ZMYM3: variants seen among roughly 807,000 people sequenced by gnomAD.
ZMYM3 encodes zinc finger MYM-type protein 3.
In ZMYM3, 6 loss-of-function variants were observed where a neutral mutation model predicts 94.2. The ratio of observed to expected loss-of-function variants is 0.06; its 90% CI spans 0.03 to 0.13. The LOEUF is 0.13. Ranked by LOEUF, ZMYM3 falls within the 10% of genes least tolerant of loss-of-function variation. The pLI, the probability that ZMYM3 is intolerant of heterozygous loss-of-function variation, is 1.00. For synonymous variants in ZMYM3, 420 were observed against 426.5 expected, an observed-to-expected ratio of 0.98 and a Z score of 0.19; for missense variants, 664 against 1,132.6, an observed-to-expected ratio of 0.59 and a Z score of 5.94.
intron 15 of ZMYM3, 126 bp from the exon 16 acceptor site, chrX:71,246,224 G>C: frequency 2.8e-6 from 3 of 1,079,665 alleles, no homozygotes; most frequent in Non-Finnish European, 2.5e-6. Context: ...ACACCTCTAT[G>C]ATTCTAGGAC....
At position 71,251,613 on chromosome X, in the gene ZMYM3, G is replaced by A; in HGVS notation, c.668-12C>T. Reference sequence around the variant, plus strand: ...AGTCAGGCCATCTCCTGCAAAGGAAGCAGAAGGCAGCCTAAATGTTGAGCC... The same window carrying A: ...AGTCAGGCCATCTCCTGCAAAGGAAACAGAAGGCAGCCTAAATGTTGAGCC... On this transcript the variant is annotated splice_polypyrimidine_tract_variant and intron_variant, in intron 2 of 24. Transcript: ENST00000314425. 1 of 1,182,035 alleles carries A rather than the reference G, an allele frequency of 8.5e-7. No homozygotes were observed. Among genetic ancestry groups the A allele is most frequent in the Non-Finnish European group, 1.1e-6 (1 of 880,540 alleles).
In ZMYM3 at chrX:71,247,865, C is replaced by T. The variant is rs753824505; in HGVS notation, c.2017G>A (p.Gly673Ser). 1 of 1,205,632 alleles carries T rather than the reference C, an allele frequency of 8.3e-7. No homozygotes were observed. The highest frequency in any genetic ancestry group is 3.0e-5 in the East Asian group (1 of 33,680). Residue 673 changes from glycine (G) to serine (S), a missense_variant, in exon 12 of 25, where the codon GGC becomes AGC. Physicochemically the swap from Gly to Ser is moderately conservative, Grantham distance 56. Transcript: ENST00000314425. ...TAAGTACAAGTGATACAGCACAAGCCCAGCTTCTTAGTGAAGTCCTGTTTG... is the reference window on the plus strand; with the variant it reads ...TAAGTACAAGTGATACAGCACAAGCTCAGCTTCTTAGTGAAGTCCTGTTTG... ...LYKQDFTKKL[G>S]LCCITCTYCS...
chrX:71,245,948 G>A (rs2030152623), intron 16 of ZMYM3, 38 bp downstream of exon 16: 1 of 1,196,180 alleles, frequency 8.4e-7, no homozygotes, highest in African/African-American at 1.8e-5. Context: ...AGAGTAAGGG[G>A]AAAGGAGGAC....
At chrX:71,241,150 C>G (rs1375905395) in intron 24 of ZMYM3, 42 bp from the exon 25 acceptor site, 2 of 1,193,774 alleles carry the variant, frequency 1.7e-6, no homozygotes, top group Non-Finnish European at 1.1e-6. Flanking sequence ...GGTGGCAGGA[C>G]AGAAGATCAG....
rs1377314486 is a variant in ZMYM3, at chrX:71,252,845, A to G, written c.411T>C (p.Pro137=). 5.8e-6 allele frequency: 7 copies of G among 1,209,357 alleles called. No individual in the cohort carries two copies. Among genetic ancestry groups the G allele is most frequent in the Non-Finnish European group, 6.7e-6 (6 of 894,648 alleles). ...DPGAGANSCS[P]EGLLEPLAPD... ...GAGCCAAAGGCTCTAGTAGCCCCTC[A>G]GGTGAACAGGAATTTGCCCCAGCCC... Residue 137 remains proline, a synonymous_variant, in exon 2 of 25, where the codon CCT becomes CCC. Coordinates refer to ENST00000314425, the MANE Select transcript of ZMYM3 (RefSeq NM_201599.3).
intron 20 of ZMYM3, 83 bp from the exon 21 acceptor site, chrX:71,244,063 T>G: frequency 9.0e-7 from 1 of 1,110,955 alleles, no homozygotes; most frequent in Admixed American, 2.5e-5. Context: ...CATTAACCCC[T>G]CCATCCCTTA....
chrX:71,244,174 T>C (rs900271204), intron 20 of ZMYM3, 128 bp downstream of exon 20: 71 of 1,000,778 alleles, frequency 7.1e-5, no homozygotes, highest in Non-Finnish European at 8.6e-5. Context: ...TCACAGGGCA[T>C]CCTTAAGGGA....
chrX:71,249,443 C>T lies in ZMYM3; in HGVS notation c.1470+18G>A, dbSNP rs896600685. On this transcript the variant is annotated intron_variant, in intron 7 of 24. Transcript: ENST00000314425. ...CCCCCTTCCACAGCCCTCTAATGCA[C>T]TACTCCCTCGGCCCCACCTTCTTGT... 8.5e-7 allele frequency: 1 copy of T among 1,175,696 alleles called. No homozygotes were observed. The highest frequency in any genetic ancestry group is 1.8e-5 in the African/African-American group (1 of 56,530).
At position 71,247,349 on chromosome X, in the gene ZMYM3, C is replaced by T. The variant is rs1461031306; in HGVS notation, c.2310G>A (p.Leu770=). The T allele has an allele frequency of 1.2e-5, 14 of 1,188,254 alleles. No homozygotes were observed. The highest frequency in any genetic ancestry group is 1.5e-5 in the Non-Finnish European group (13 of 883,417). ...TACCCCCTGCCTGGGACTCACTGTT[C>T]AGGAGGCTCTCGGGCCCACTCTGGG... The part of the protein sequence containing the change: ...LDTQSGPESL[L]NSQSPESKPQ... The change falls in exon 13 of 25, where the codon CTG becomes CTA. Residue 770 remains leucine, a synonymous_variant. Transcript: ENST00000314425.
At position 71,251,315 on chromosome X, in the gene ZMYM3, G is replaced by C. The variant is rs183451010; in HGVS notation, c.712-71C>G. 7.2e-4 allele frequency: 742 copies of C among 1,034,871 alleles called. No individual in the cohort carries two copies. The East Asian group carries it at 7.2e-3, about 10-fold the overall frequency. 85.3% of individuals were successfully genotyped at this position (1,034,871 alleles called of 1,213,427 possible). A position where few individuals can be genotyped will look rare whatever the true frequency, so the allele number is the denominator to read the frequency against. On this transcript the variant is annotated intron_variant, in intron 3 of 24. Coordinates refer to ENST00000314425, the MANE Select transcript of ZMYM3 (RefSeq NM_201599.3). Reference sequence around the variant, plus strand: ...CAGGCTAACACTAGTACAGGGTTTGGGGGGGGATAGAAGATGGGAGGGGGA... The same window carrying C: ...CAGGCTAACACTAGTACAGGGTTTGCGGGGGGATAGAAGATGGGAGGGGGA...
rs760070078 is a variant in ZMYM3 at position 71,252,902 on chromosome X, G to A, written c.354C>T (p.Gly118=). ...GDQTLEPGPG[G]QTPEVVPPDP... ...CAGGTGGTACCACCTCAGGGGTCTG[G>A]CCCCCTGGTCCAGGCTCTAGGGTCT... The change falls in exon 2 of 25, where the codon GGC becomes GGT. Residue 118 remains glycine (G), a synonymous_variant. Transcript: ENST00000314425. The A allele has an allele frequency of 1.8e-5, 22 of 1,209,078 alleles. No individual in the cohort carries two copies. The highest frequency in any genetic ancestry group is 2.3e-4 in the Middle Eastern group (1 of 4,357).
At chrX:71,244,535 A>G in intron 19 of ZMYM3, 65 bp from the exon 20 acceptor site, 9 of 1,148,218 alleles carry the variant, frequency 7.8e-6, no homozygotes, top group Non-Finnish European at 8.2e-6. Context: ...AAAGCTAGTC[A>G]GCACCATATT....
At chrX:71,255,105 T>TCTCTCTCC (rs2030699505), upstream of ZMYM3, 1 of 68,651 alleles carries the variant, frequency 1.5e-5, no homozygotes, top group Non-Finnish European at 2.6e-5. Context: ...TCTCTCTCTC[T>TCTCTCTCC]CTCTCTCTCT....
chrX:71,251,583 T>A lies in ZMYM3; in HGVS notation c.686A>T (p.Lys229Met). Reference protein sequence around the residue: ...PSLPGDGLTAKASEKPPERKR... With the variant: ...PSLPGDGLTAMASEKPPERKR... ...CCGTTCAGGCGGCTTCTCACTCGCCTTCGCAGTCAGGCCATCTCCTGCAAA... is the reference window on the plus strand; with the variant it reads ...CCGTTCAGGCGGCTTCTCACTCGCCATCGCAGTCAGGCCATCTCCTGCAAA... Residue 229 changes from lysine to methionine, a missense_variant, in exon 3 of 25, where the codon AAG (lysine) becomes ATG (methionine). By Grantham distance (95) the Lys-to-Met change is moderately conservative. Transcript: ENST00000314425. 1 of 1,193,244 alleles carries A rather than the reference T, an allele frequency of 8.4e-7. No homozygotes were observed. Among genetic ancestry groups the A allele is most frequent in the Non-Finnish European group, 1.1e-6 (1 of 886,264 alleles).
rs377219001 is a variant in ZMYM3, at chrX:71,250,629, T to C, written c.876A>G (p.Leu292=). ...FRPRRSPRMS[L]RSSVSQRAGR... is the part of the protein sequence containing the mutation. ...CGGCCCTTTGTGACACACTTGAGCG[T>C]AGGGACATGCGAGGAGAGCGCCGGG... Residue 292 remains leucine, a synonymous_variant, in exon 5 of 25, where the codon CTA becomes CTG. Transcript: ENST00000314425. 23 of 1,209,704 alleles carry C rather than the reference T, an allele frequency of 1.9e-5. No homozygotes were observed. Among genetic ancestry groups the C allele is most frequent in the African/African-American group, 3.5e-5 (2 of 57,289 alleles).
Position 71,241,352 on chromosome X carries a change from G to T in ZMYM3, c.3803-8C>A. ...GTTTTCCAGGACCCGTGTCTATAGG[G>T]GAGGGAAATGATTCAGACTCATTAA... On this transcript the variant is annotated splice_polypyrimidine_tract_variant and splice_region_variant and intron_variant, in intron 23 of 24. Coordinates refer to ENST00000314425, the MANE Select transcript of ZMYM3 (RefSeq NM_201599.3). 9.4e-6 allele frequency: 11 copies of T among 1,164,596 alleles called. No individual in the cohort carries two copies. The highest frequency in any genetic ancestry group is 1.3e-5 in the Non-Finnish European group (11 of 866,132).
chrX:71,247,488 T>C lies in ZMYM3; in HGVS notation c.2171A>G (p.Lys724Arg), dbSNP rs768954190. The C allele has an allele frequency of 5.8e-6, 7 of 1,211,145 alleles. No homozygotes were observed. The highest frequency in any genetic ancestry group is 7.8e-6 in the Non-Finnish European group (7 of 894,952). The change falls in exon 13 of 25, where the codon AAG becomes AGG. Residue 724 changes from lysine (K) to arginine (R), a missense_variant. Physicochemically the swap from Lys to Arg is conservative, Grantham distance 26. Around this residue, in one of 9 missense-constraint regions of ZMYM3, gnomAD observed 159 missense variants for 313.0 expected, o/e 0.51. Transcript: ENST00000314425. ...GGTCTCCAGCAGCTTCCCCTGGCGC[T>C]TACACGCATGGCACCGGGCAGCCTG... ...YCKAARCHAC[K>R]RQGKLLETIH...
At position 71,240,316 on chromosome X, in the gene ZMYM3, G is replaced by A. The variant is rs754335752; in HGVS notation, c.*600C>T. The A allele has an allele frequency of 5.3e-5, 6 of 112,226 alleles. No individual in the cohort carries two copies. Among genetic ancestry groups the A allele is most frequent in the Non-Finnish European group, 1.1e-4 (6 of 53,152 alleles). 9.2% of individuals were successfully genotyped at this position (112,226 alleles called of 1,213,427 possible). Reference sequence around the variant, plus strand: ...AAGGATTGGTGCTTGCCGAGGGGGTGAGGGATATGCGGTGGTGAGATGGTG... The same window carrying A: ...AAGGATTGGTGCTTGCCGAGGGGGTAAGGGATATGCGGTGGTGAGATGGTG... On this transcript the variant is annotated 3_prime_UTR_variant, in exon 25 of 25. Coordinates refer to ENST00000314425, the MANE Select transcript of ZMYM3 (RefSeq NM_201599.3).
rs1352738230 is a variant in ZMYM3, at chrX:71,240,746, G to A, written c.*170C>T. The stretch of plus-strand genomic sequence containing the variant: ...GGGCCCCATGGTTGTCAAGTGGTAC[G>A]GAAGAAGATAAAAGCCAGGGTTCCT... On this transcript the variant is annotated 3_prime_UTR_variant, in exon 25 of 25. Coordinates refer to ENST00000314425, the MANE Select transcript of ZMYM3 (RefSeq NM_201599.3). 2.9e-5 allele frequency: 14 copies of A among 482,204 alleles called. No individual in the cohort carries two copies. In the Admixed American group the frequency reaches 3.6e-4, roughly 13 times the overall value. The allele number at this position is 482,204 out of a possible 1,213,427, so 39.7% of individuals were successfully genotyped here. A position where few individuals can be genotyped will look rare whatever the true frequency, so the allele number is the denominator to read the frequency against.
Sources: gnomAD v4.1 joint callset for allele counts on GRCh38, gnomAD v4.1.1 for gene constraint, gnomAD v4.1.1 regional missense constraint, MANE v1.5 for transcripts, NCBI Gene and HGNC (gene_info 2026-07-23, HGNC 2026-07-21) for gene names.